The following LRP6 variants were observed in gnomAD, a reference collection of about 807,000 sequenced individuals.
LRP6 encodes LDL receptor related protein 6, also known as low-density lipoprotein receptor-related protein 6.
In LRP6, 43 loss-of-function variants were observed where a neutral mutation model predicts 184.1. The observed-to-expected ratio is 0.23, with a 90% CI of 0.18 to 0.30. The LOEUF (loss-of-function observed/expected upper bound fraction) is 0.30. LRP6 is among the 10% of genes least tolerant of loss of function. LRP6 has a pLI of 1.00. For synonymous variants in LRP6, 719 were observed against 684.9 expected, an observed-to-expected ratio of 1.05 and a Z score of -0.78; for missense variants, 1,571 against 2,005.3, an observed-to-expected ratio of 0.78 and a Z score of 4.14.
At chr12:12,180,967 A>G in intron 6 of LRP6, 76 bp downstream of exon 6, 1 of 1,497,108 alleles carries the variant, frequency 6.7e-7, no homozygotes, top group Non-Finnish European at 9.3e-7. Flanking sequence ...ATGTCATGTT[A>G]TCTTAGTCAA....
At position 12,266,855 on chromosome 12, in the gene LRP6, C is replaced by T. The variant is rs904907239; in HGVS notation, c.-120G>A. 2 of 850,174 alleles carry T rather than the reference C, an allele frequency of 2.4e-6. No homozygotes were observed. Among genetic ancestry groups the T allele is most frequent in the Non-Finnish European group, 3.9e-6 (2 of 510,938 alleles). The allele number at this position is 850,174 out of a possible 1,614,324, so 52.7% of individuals were successfully genotyped here. A position where few individuals can be genotyped will look rare whatever the true frequency, so the allele number is the denominator to read the frequency against. ...ACGCTCATACTTCCCAGCTTCCCAG[C>T]GAGAGAAGAAAGAAAGGGGCACGTC... On this transcript the variant is annotated 5_prime_UTR_variant, in exon 1 of 23. Transcript: ENST00000261349.
intron 3 of LRP6, among the ~76,000 whole-genome samples, chr12:12,202,410 G>A (rs1481417268): frequency 6.6e-6 from 1 of 152,196 alleles, no homozygotes; most frequent in Non-Finnish European, 1.5e-5. Context: ...CGGTGTGATG[G>A]CGTGTGCCTA....
In LRP6 at chr12:12,159,731, A is replaced by G. The variant is rs185744959; in HGVS notation, c.2464+49T>C. The G allele has an allele frequency of 4.5e-4, 701 of 1,562,770 alleles. 2 individuals carry two copies. The African/African-American group carries it at 8.7e-3, about 19-fold the overall frequency. On this transcript the variant is annotated intron_variant, in intron 11 of 22. Coordinates refer to ENST00000261349, the MANE Select transcript of LRP6 (RefSeq NM_002336.3). ...CCAATGATAAATAGCAGCCACTGAT[A>G]TTTGCATGGAAAGAATATACTGTTT...
chr12:12,248,701 C>T (rs1464310698), intron 1 of LRP6, among the ~76,000 whole-genome samples: 2 of 151,790 alleles, frequency 1.3e-5, no homozygotes, highest in Non-Finnish European at 2.9e-5. Context: ...AGGATGGTCT[C>T]GATCTCCTGA....
At chr12:12,203,172 TAA>T (rs1863962611) in intron 3 of LRP6, 29 bp downstream of exon 3, 7 of 1,533,086 alleles carry the variant, frequency 4.6e-6, no homozygotes, top group South Asian at 1.2e-5. Context: ...CGAGTTTTCT[TAA>T]AAGTTTTTTC....
At chr12:12,185,591 C>T (rs1591925345) in intron 4 of LRP6, among the ~76,000 whole-genome samples, 1 of 152,296 alleles carries the variant, frequency 6.6e-6, no homozygotes, top group East Asian at 1.9e-4. Context: ...GTGCCAAACC[C>T]TTAACATTCT....
At chr12:12,199,009 T>C (rs557198942) in intron 3 of LRP6, among the ~76,000 whole-genome samples, 1 of 152,172 alleles carries the variant, frequency 6.6e-6, no homozygotes, top group African/African-American at 2.4e-5. Flanking sequence ...TGTTAAAATG[T>C]GCACTAGACA....
chr12:12,129,049 T>C (rs774187239), intron 19 of LRP6, among the ~76,000 whole-genome samples: 28 of 152,198 alleles, frequency 1.8e-4, no homozygotes, highest in Admixed American at 7.2e-4. Context: ...ACAACCAGCT[T>C]TGAAAAAATA....
rs181863501 is a variant in LRP6, at chr12:12,171,441, G to A, written c.1546-6146C>T. On this transcript the variant is annotated intron_variant, in intron 7 of 22. Transcript: ENST00000261349. ...GGAGGTTGAGGCAGGAGGATGGCGT[G>A]AACCCGGGAGGTGGAGCTTGCAGTG... Among the ~76,000 whole-genome samples the A allele has an allele frequency of 2.8e-3, 433 of 152,096 alleles. 2 individuals are homozygous for A. The highest frequency in any genetic ancestry group is 0.01 in the African/African-American group (422 of 41,466).
chr12:12,217,186 T>C (rs1287368590), intron 2 of LRP6, among the ~76,000 whole-genome samples: 1 of 152,204 alleles, frequency 6.6e-6, no homozygotes, highest in Non-Finnish European at 1.5e-5. Flanking sequence ...ATCGTTCATA[T>C]TACTGCCTGA....
intron 19 of LRP6, among the ~76,000 whole-genome samples, chr12:12,127,809 T>C (rs1949693716): frequency 6.6e-6 from 1 of 152,228 alleles, no homozygotes; most frequent in Non-Finnish European, 1.5e-5. Flanking sequence ...TGCTTCATCT[T>C]ACCTCAAATC....
chr12:12,266,063 T>C (rs1865748877), intron 1 of LRP6, among the ~76,000 whole-genome samples: 1 of 152,154 alleles, frequency 6.6e-6, no homozygotes, highest in Non-Finnish European at 1.5e-5. Flanking sequence ...TGTTTTATTT[T>C]ATTATGGGCT....
intron 5 of LRP6, among the ~76,000 whole-genome samples, chr12:12,183,490 T>C (rs961094414): frequency 1.3e-5 from 2 of 152,186 alleles, no homozygotes; most frequent in Non-Finnish European, 2.9e-5. Flanking sequence ...TTGTTTTAAA[T>C]ATGGATTTTT....
Position 12,151,026 on chromosome 12 carries a change from A to G in LRP6, c.2804T>C (p.Phe935Ser). Residue 935 changes from phenylalanine (F) to serine (S), a missense_variant, in exon 13 of 23, where the codon TTC becomes TCC. Phe to Ser is a radical substitution (Grantham distance 155). This residue lies in a region of LRP6 where 763 missense variants were observed against 859.5 expected (regional missense o/e 0.89). Coordinates refer to ENST00000261349, the MANE Select transcript of LRP6 (RefSeq NM_002336.3). ...DNRTCSAPTTFLLFSQKSAIN... is the reference protein window; with the variant it reads ...DNRTCSAPTTSLLFSQKSAIN... ...GGCACTCTTTTGACTGAAGAGCAGG[A>G]AAGTCGTAGGAGCTTAAAAGGAAGA... 6.2e-7 allele frequency: 1 copy of G among 1,614,056 alleles called. No homozygotes were observed. Among genetic ancestry groups the G allele is most frequent in the Non-Finnish European group, 8.5e-7 (1 of 1,179,936 alleles).
chr12:12,226,169 C>A (rs575431226), intron 2 of LRP6, among the ~76,000 whole-genome samples: 4 of 152,336 alleles, frequency 2.6e-5, no homozygotes, highest in African/African-American at 9.6e-5. Flanking sequence ...GACTAAACAA[C>A]TGAAATATAG....
chr12:12,201,733 T>A (rs570364694), intron 3 of LRP6, among the ~76,000 whole-genome samples: 57 of 152,274 alleles, frequency 3.7e-4, no homozygotes, highest in Non-Finnish European at 6.6e-4. Flanking sequence ...CTTCCTAGAC[T>A]CCCCCTCACA....
chr12:12,155,362 G>A (rs1950137741), intron 12 of LRP6: 3 of 770,326 alleles, frequency 3.9e-6, no homozygotes. Flanking sequence ...ATGCAAATCT[G>A]TAAGAAAGGT....
chr12:12,132,748 C>T (rs1217338326), intron 17 of LRP6, among the ~76,000 whole-genome samples: 1 of 152,156 alleles, frequency 6.6e-6, no homozygotes, highest in African/African-American at 2.4e-5. Context: ...CAAGTGTATG[C>T]CTCTTTAATA....
chr12:12,226,006 G>A (rs1360675064), intron 2 of LRP6, among the ~76,000 whole-genome samples: 1 of 152,102 alleles, frequency 6.6e-6, no homozygotes, highest in Admixed American at 6.6e-5. Flanking sequence ...ACCAACCTGG[G>A]GGAAGGAAAA....
Sources: gnomAD v4.1 joint callset for allele counts (sites outside exome capture counted in the v4.1 genomes callset) on GRCh38, gnomAD v4.1.1 for gene constraint, gnomAD v4.1.1 regional missense constraint, MANE v1.5 for transcripts, NCBI Gene and HGNC (gene_info 2026-07-23, HGNC 2026-07-21) for gene names.